The following NSRP1 variants were observed in gnomAD, a reference collection of about 807,000 sequenced individuals.
The protein encoded by NSRP1 is nuclear speckle splicing regulatory protein 1.
Under a neutral mutation model 54.7 loss-of-function variants are expected in NSRP1, and 24 were observed. The observed-to-expected ratio is 0.44, with a 90% confidence interval of 0.32 to 0.62. NSRP1 has a LOEUF of 0.62. NSRP1 is among the 20% of genes least tolerant of loss of function. NSRP1 has a pLI of 0.06. For synonymous variants in NSRP1, 210 were observed against 213.8 expected (o/e 0.98, Z 0.15); for missense variants, 596 against 651.2 (o/e 0.92, Z 0.92).
At chr17:30,179,934 T>A (rs1905242783) in intron 5 of NSRP1, among the ~76,000 whole-genome samples, 1 of 151,478 alleles carries the variant, frequency 6.6e-6, no homozygotes, top group Admixed American at 6.6e-5. Flanking sequence ...CCTCCCAGGC[T>A]CCAGTGATCC....
intron 2 of NSRP1, among the ~76,000 whole-genome samples, chr17:30,119,803 G>T (rs573571577): frequency 6.6e-6 from 1 of 152,062 alleles, no homozygotes; most frequent in Admixed American, 6.6e-5. Context: ...GTGCCTGACC[G>T]GTTTTCAGTT....
At chr17:30,182,118 C>T (rs2143010779) in intron 6 of NSRP1, among the ~76,000 whole-genome samples, 1 of 145,940 alleles carries the variant, frequency 6.9e-6, no homozygotes, top group Non-Finnish European at 1.5e-5. Flanking sequence ...ATGATTGGTG[C>T]CTGGTACCTT....
At chr17:30,144,921 T>C (rs1191512968) in intron 2 of NSRP1, 1 of 152,220 alleles carries the variant, frequency 6.6e-6, no homozygotes, top group Non-Finnish European at 1.5e-5. Context: ...GTGTTTGATA[T>C]ATGTGCTGAT....
chr17:30,185,043 C>T lies in NSRP1; in HGVS notation c.1046C>T (p.Ala349Val), dbSNP rs1459845098. Residue 349 changes from alanine to valine, a missense_variant, in exon 7 of 7, where the codon GCC becomes GTC. Ala to Val is a moderately conservative substitution (Grantham distance 64, BLOSUM62 0). Coordinates refer to ENST00000247026, the MANE Select transcript of NSRP1 (RefSeq NM_032141.4). ...KERDSHRHRE[A>V]SHRDSHWKRH... ...AGGGATTCTCATAGGCACAGAGAGG[C>T]CAGTCATAGAGATTCCCATTGGAAG... The T allele has an allele frequency of 6.2e-7, 1 of 1,613,964 alleles. No individual in the cohort carries two copies. The highest frequency in any genetic ancestry group is 8.5e-7 in the Non-Finnish European group (1 of 1,180,010).
chr17:30,138,126 A>G (rs2071766072), intron 2 of NSRP1, among the ~76,000 whole-genome samples: 1 of 152,104 alleles, frequency 6.6e-6, no homozygotes, highest in South Asian at 2.1e-4. Flanking sequence ...TCTTTTTGTG[A>G]CGGGGTTATT....
intron 2 of NSRP1, among the ~76,000 whole-genome samples, chr17:30,166,629 G>A (rs998301236): frequency 6.6e-6 from 1 of 152,024 alleles, no homozygotes; most frequent in Non-Finnish European, 1.5e-5. Flanking sequence ...TTTTGTTAAG[G>A]GTAGTCACCC....
At chr17:30,149,125 C>T (rs1444401072) in intron 2 of NSRP1, among the ~76,000 whole-genome samples, 1 of 152,056 alleles carries the variant, frequency 6.6e-6, no homozygotes, top group East Asian at 1.9e-4. Context: ...TTTGTTTAAC[C>T]TGAAGACTTA....
chr17:30,128,041 G>A (rs1023414415), intron 2 of NSRP1: 20 of 385,278 alleles, frequency 5.2e-5, no homozygotes, highest in East Asian at 1.8e-4. Flanking sequence ...GTCTCACTGC[G>A]TTGCCTAGGC....
intron 2 of NSRP1, among the ~76,000 whole-genome samples, chr17:30,124,629 TAGG>T (rs1339859509): frequency 3.3e-5 from 5 of 152,144 alleles, no homozygotes; most frequent in African/African-American, 1.2e-4. Context: ...GGGATACAAG[TAGG>T]AGATGGTTCT....
At chr17:30,163,828 G>A (rs943761349) in intron 2 of NSRP1, among the ~76,000 whole-genome samples, 6 of 151,680 alleles carry the variant, frequency 4.0e-5, no homozygotes, top group South Asian at 2.1e-4. Flanking sequence ...GACTACAGGC[G>A]CGCGCCACCA....
Position 30,172,546 on chromosome 17 carries a change from CTG to C in NSRP1, c.122_123del (p.Val41GlufsTer2). The C allele has an allele frequency of 6.2e-7, 1 of 1,608,798 alleles. No homozygotes were observed. The highest frequency in any genetic ancestry group is 8.5e-7 in the Non-Finnish European group (1 of 1,177,092). The stretch of plus-strand genomic sequence containing the variant: ...CAATATATTTCTGTTTTACAGACCT[CTG>C]TGAGTGAAAGCCTTCAGAGGGAAGC... On this transcript the variant is annotated frameshift_variant, in exon 3 of 7. Coordinates refer to ENST00000247026, the MANE Select transcript of NSRP1 (RefSeq NM_032141.4). LOFTEE classifies it high-confidence loss of function.
intron 2 of NSRP1, among the ~76,000 whole-genome samples, chr17:30,165,438 T>C (rs1393847524): frequency 2.0e-5 from 3 of 152,198 alleles, no homozygotes; most frequent in African/African-American, 7.2e-5. Flanking sequence ...AGGTAAAGGG[T>C]ACACAGTACT....
Position 30,159,360 on chromosome 17 carries a change from G to T in NSRP1, c.115-13182G>T, listed in dbSNP as rs574705650. On this transcript the variant is annotated intron_variant, in intron 2 of 6. Transcript: ENST00000247026. ...TCATTAGTTTTAAGAGGTTTTTTTT[G>T]TGTGTGTGTGTAGTCGTTTGGTTTT... is the stretch of plus-strand genomic sequence containing the variant. 4.1e-3 allele frequency among the ~76,000 whole-genome samples: 630 copies of T among 151,908 alleles called. 4 individuals are homozygous for T. The highest frequency in any genetic ancestry group is 0.014 in the African/African-American group (566 of 41,474).
chr17:30,182,255 A>T (rs577315978), intron 6 of NSRP1, among the ~76,000 whole-genome samples: 39 of 152,312 alleles, frequency 2.6e-4, no homozygotes, highest in Middle Eastern at 3.4e-3. Context: ...AATAGAACCC[A>T]GCCTTCCTAA....
At chr17:30,137,901 C>T (rs1218698421) in intron 2 of NSRP1, among the ~76,000 whole-genome samples, 1 of 152,054 alleles carries the variant, frequency 6.6e-6, no homozygotes, top group Non-Finnish European at 1.5e-5. Flanking sequence ...GTGTGTAGTT[C>T]AGTAGCATTA....
intron 2 of NSRP1, among the ~76,000 whole-genome samples, chr17:30,152,326 G>A (rs1022804618): frequency 3.3e-5 from 5 of 150,926 alleles, no homozygotes; most frequent in African/African-American, 1.2e-4. Context: ...CATTCTGTTC[G>A]CCAGGCTGGT....
chr17:30,179,877 C>T (rs1483825153), intron 5 of NSRP1, among the ~76,000 whole-genome samples: 1 of 152,028 alleles, frequency 6.6e-6, no homozygotes, highest in Non-Finnish European at 1.5e-5. Flanking sequence ...GTCTCTGTCA[C>T]CCAGGCTGGA....
chr17:30,171,746 T>G (rs1904940137), intron 2 of NSRP1, among the ~76,000 whole-genome samples: 1 of 152,160 alleles, frequency 6.6e-6, no homozygotes, highest in Admixed American at 6.5e-5. Flanking sequence ...TGCTTTTTGG[T>G]ACATAGTTTT....
chr17:30,166,266 G>C (rs965458443), intron 2 of NSRP1, among the ~76,000 whole-genome samples: 1 of 152,182 alleles, frequency 6.6e-6, no homozygotes. Flanking sequence ...TCCTCATGCT[G>C]TACAGTATAG....
Sources: allele counts gnomAD v4.1 joint callset (sites outside exome capture counted in the v4.1 genomes callset), GRCh38; gene constraint gnomAD v4.1.1; transcripts MANE v1.5; gene names NCBI Gene and HGNC (gene_info 2026-07-23, HGNC 2026-07-21).